The following CAPZB variants were observed in gnomAD, a reference collection of about 807,000 sequenced individuals.
CAPZB encodes the protein capping actin protein of muscle Z-line subunit beta.
In CAPZB, 2 loss-of-function variants were observed where a neutral mutation model predicts 38.1. The observed-to-expected ratio is 0.05, with a 90% CI of 0.02 to 0.17. The LOEUF is 0.17. Among genes scored for constraint, CAPZB ranks in the 10% least tolerant of loss-of-function variants. CAPZB has a pLI of 1.00. For synonymous variants in CAPZB, 107 were observed against 127.4 expected, an observed-to-expected ratio of 0.84 and a Z score of 1.08; for missense variants, 161 against 334.2, an observed-to-expected ratio of 0.48 and a Z score of 4.04.
chr1:19,424,698 A>C (rs2094415846), intron 1 of CAPZB: 1 of 152,304 alleles, frequency 6.6e-6, no homozygotes, highest in Non-Finnish European at 1.5e-5. Context: ...TGGACTGCTC[A>C]CTTAACCTCG....
intron 1 of CAPZB, among the ~76,000 whole-genome samples, chr1:19,427,470 T>A (rs1179463291): frequency 1.4e-4 from 21 of 152,238 alleles, no homozygotes; most frequent in Non-Finnish European, 2.6e-4. Flanking sequence ...ATGGTTTGTC[T>A]TGTATAATCC....
chr1:19,404,267 G>T lies in CAPZB; in HGVS notation c.93+15394C>A, dbSNP rs902545782. On this transcript the variant is annotated intron_variant, in intron 2 of 8. Coordinates refer to ENST00000264202, the MANE Select transcript of CAPZB (RefSeq NM_004930.5). ...AAAAAAAAAAAAAAAAATATGGCTG[G>T]GCGCAGTGGCTCATGCCTGTAATCT... is the stretch of plus-strand genomic sequence containing the variant. Among the ~76,000 whole-genome samples the T allele has an allele frequency of 2.0e-5, 3 of 148,776 alleles. No individual in the cohort carries two copies. In the Admixed American group the frequency reaches 2.0e-4, roughly 10 times the overall value.
At chr1:19,469,051 ACCC>A (rs1412942416) in intron 1 of CAPZB, among the ~76,000 whole-genome samples, 1 of 152,136 alleles carries the variant, frequency 6.6e-6, no homozygotes, top group Non-Finnish European at 1.5e-5. Context: ...TTTCATGCCC[ACCC>A]CCAAGCTGGG....
chr1:19,406,467 G>C (rs1257508958), intron 2 of CAPZB, among the ~76,000 whole-genome samples: 2 of 152,182 alleles, frequency 1.3e-5, no homozygotes, highest in East Asian at 3.9e-4. Context: ...CGGAGACTGA[G>C]TAACTTCTTG....
intron 2 of CAPZB, among the ~76,000 whole-genome samples, chr1:19,387,067 C>G (rs188699153): frequency 5.0e-4 from 55 of 109,728 alleles, no homozygotes; most frequent in Admixed American, 4.7e-3. Flanking sequence ...GCCTGCCATG[C>G]ACCACGCACT....
chr1:19,408,006 A>C (rs1387011354), intron 2 of CAPZB, among the ~76,000 whole-genome samples: 1 of 152,140 alleles, frequency 6.6e-6, no homozygotes. Flanking sequence ...TCAGCTTCCC[A>C]TTCAGGGATC....
Position 19,345,275 on chromosome 1 carries a change from A to G in CAPZB, c.589-23T>C, listed in dbSNP as rs752209727. The stretch of plus-strand genomic sequence containing the variant: ...CATCTGCAAAAGACAGAAACATTCC[A>G]AGTCAGAGAAAGCCAGAGATTTCTG... On this transcript the variant is annotated intron_variant, in intron 6 of 8. Coordinates refer to ENST00000264202, the MANE Select transcript of CAPZB (RefSeq NM_004930.5). 3.8e-6 allele frequency: 6 copies of G among 1,595,790 alleles called. No individual in the cohort carries two copies. The East Asian group carries it at 1.3e-4, about 36-fold the overall frequency.
At chr1:19,417,157 G>A (rs2094383629) in intron 2 of CAPZB, among the ~76,000 whole-genome samples, 1 of 152,152 alleles carries the variant, frequency 6.6e-6, no homozygotes, top group Non-Finnish European at 1.5e-5. Context: ...GCAGCTACAT[G>A]CACATCCCTG....
In CAPZB at chr1:19,356,364, G is replaced by C. The variant is rs1347703384; in HGVS notation, c.588+271C>G. 1.3e-5 allele frequency among the ~76,000 whole-genome samples: 2 copies of C among 152,132 alleles called. No homozygotes were observed. The highest frequency in any genetic ancestry group is 2.9e-5 in the Non-Finnish European group (2 of 68,030). On this transcript the variant is annotated intron_variant, in intron 6 of 8. Transcript: ENST00000264202. The surrounding 1 kb of genome is among the most constrained non-coding windows in gnomAD (Gnocchi z 4.3). ...CAGCACAACATGAGCTGAAGCATGG[G>C]GATGTGCGGGGCCCTGAGGGGTAAG...
intron 2 of CAPZB, among the ~76,000 whole-genome samples, chr1:19,397,589 TCA>T (rs924545885): frequency 1.1e-4 from 17 of 152,330 alleles, no homozygotes; most frequent in African/African-American, 3.4e-4. Context: ...GATTGGTTTT[TCA>T]CACAAGGTCA....
At chr1:19,385,754 T>G (rs755330132) in intron 2 of CAPZB, 128 bp from the exon 3 acceptor site, 1 of 1,037,114 alleles carries the variant, frequency 9.6e-7, no homozygotes, top group Admixed American at 1.7e-5. Context: ...TGAGACAAAA[T>G]TATGGGCCTG....
At chr1:19,475,166 T>C (rs1321740047) in intron 1 of CAPZB, among the ~76,000 whole-genome samples, 1 of 152,240 alleles carries the variant, frequency 6.6e-6, no homozygotes, top group African/African-American at 2.4e-5. Context: ...TGCCTGGCTT[T>C]ACACATATTA....
chr1:19,449,104 C>T (rs1021665266), intron 1 of CAPZB: 6 of 1,422,300 alleles, frequency 4.2e-6, no homozygotes, highest in Admixed American at 2.8e-5. Context: ...GATGAAACCC[C>T]AGCAGTTCCA....
intron 1 of CAPZB, among the ~76,000 whole-genome samples, chr1:19,421,893 A>G (rs2094402590): frequency 6.6e-6 from 1 of 152,184 alleles, no homozygotes; most frequent in African/African-American, 2.4e-5. Flanking sequence ...GAGTGCATAC[A>G]AATAAACATA....
chr1:19,439,118 T>A (rs966249352), intron 1 of CAPZB, among the ~76,000 whole-genome samples: 1 of 152,214 alleles, frequency 6.6e-6, no homozygotes, highest in Non-Finnish European at 1.5e-5. Context: ...GAGAGCTGCC[T>A]GTGGCCAAGA....
intron 8 of CAPZB, among the ~76,000 whole-genome samples, chr1:19,341,220 G>C (rs1174808683): frequency 6.6e-6 from 1 of 152,228 alleles, no homozygotes; most frequent in African/African-American, 2.4e-5. Context: ...ACTGTCCCTG[G>C]CTCTGCGGCG....
At chr1:19,396,067 A>G (rs1391018439) in intron 2 of CAPZB, among the ~76,000 whole-genome samples, 1 of 151,980 alleles carries the variant, frequency 6.6e-6, no homozygotes, top group Non-Finnish European at 1.5e-5. Context: ...TGCCTCTTCC[A>G]CTGCAACCTC....
intron 1 of CAPZB, among the ~76,000 whole-genome samples, chr1:19,467,082 T>A (rs1303361087): frequency 7.5e-6 from 1 of 133,402 alleles, no homozygotes; most frequent in Non-Finnish European, 1.7e-5. Context: ...TTATTTATTT[T>A]GTAGAGATTG....
In CAPZB at chr1:19,357,875, G is replaced by A. The variant is rs1268794254; in HGVS notation, c.330-312C>T. 2.0e-5 allele frequency among the ~76,000 whole-genome samples: 3 copies of A among 152,130 alleles called. No individual in the cohort carries two copies. Among genetic ancestry groups the A allele is most frequent in the Non-Finnish European group, 2.9e-5 (2 of 68,030 alleles). Reference sequence around the variant, plus strand: ...TCCTCCCAGATAAAGAATGCAGCACGACTGACATCCAGTGACAATCCATGC... The same window carrying A: ...TCCTCCCAGATAAAGAATGCAGCACAACTGACATCCAGTGACAATCCATGC... On this transcript the variant is annotated intron_variant, in intron 4 of 8. Transcript: ENST00000264202. This position sits in a 1 kb window ranked among gnomAD's most constrained non-coding sequence, Gnocchi z 4.3.
Sources: gnomAD v4.1 joint callset for allele counts (sites outside exome capture counted in the v4.1 genomes callset) on GRCh38, gnomAD v4.1.1 for gene constraint, Gnocchi (gnomAD v3.1) non-coding constraint, MANE v1.5 for transcripts, NCBI Gene and HGNC (gene_info 2026-07-23, HGNC 2026-07-21) for gene names.